The following DGKB variants were observed in gnomAD, a reference collection of about 807,000 sequenced individuals.
The protein encoded by DGKB is diacylglycerol kinase beta.
Under a neutral mutation model 114.3 loss-of-function variants are expected in DGKB, and 67 were observed. The observed-to-expected ratio is 0.59, with a 90% CI of 0.48 to 0.72. The LOEUF (loss-of-function observed/expected upper bound fraction) is 0.72. Ranked by LOEUF, DGKB falls within the 30% of genes least tolerant of loss-of-function variation. The pLI is 0.00. For synonymous variants in DGKB, 398 were observed against 323.1 expected, an observed-to-expected ratio of 1.23 and a Z score of -2.49; for missense variants, 907 against 975.2, an observed-to-expected ratio of 0.93 and a Z score of 0.93.
chr7:14,608,967 T>A (rs778108726), intron 16 of DGKB, among the ~76,000 whole-genome samples: 5 of 151,982 alleles, frequency 3.3e-5, no homozygotes, highest in Non-Finnish European at 5.9e-5. Flanking sequence ...AGAATCACTA[T>A]CGTTAAATGG....
chr7:14,876,478 G>T (rs138722158), intron 1 of DGKB, among the ~76,000 whole-genome samples: 201 of 152,160 alleles, frequency 1.3e-3, no homozygotes, highest in African/African-American at 4.7e-3. Context: ...CAACACTCGC[G>T]GGCTAAGCCT....
chr7:14,440,776 T>C (rs1829975197), intron 21 of DGKB, among the ~76,000 whole-genome samples: 1 of 152,192 alleles, frequency 6.6e-6, no homozygotes, highest in African/African-American at 2.4e-5. Context: ...AGCATGTCTT[T>C]AAATTTATGT....
At chr7:14,964,855 A>G (rs1787060609) in intron 1 of DGKB, among the ~76,000 whole-genome samples, 2 of 152,190 alleles carry the variant, frequency 1.3e-5, no homozygotes, top group African/African-American at 4.8e-5. Flanking sequence ...GGGTTATATT[A>G]GTTGCAAGTG....
chr7:14,168,579 T>C (rs952218192), intron 25 of DGKB, among the ~76,000 whole-genome samples: 1 of 152,232 alleles, frequency 6.6e-6, no homozygotes, highest in African/African-American at 2.4e-5. Flanking sequence ...AAATGACGTA[T>C]TACATATTGC....
chr7:14,924,862 T>C (rs1784675186), intron 1 of DGKB, among the ~76,000 whole-genome samples: 1 of 152,182 alleles, frequency 6.6e-6, no homozygotes, highest in African/African-American at 2.4e-5. Flanking sequence ...TACATTTATA[T>C]ATACTTACGG....
chr7:14,398,933 C>T lies in DGKB; in HGVS notation c.1836-53542G>A, dbSNP rs116763815. 3.4e-3 allele frequency among the ~76,000 whole-genome samples: 524 copies of T among 152,036 alleles called. 3 individuals are homozygous for T. Among genetic ancestry groups the T allele is most frequent in the African/African-American group, 0.012 (503 of 41,524 alleles). On this transcript the variant is annotated intron_variant, in intron 21 of 25. Transcript: ENST00000402815. The stretch of plus-strand genomic sequence containing the variant: ...GAAAGATCTAGGGGCTGCTCGAATG[C>T]AACCCCAACAAGTTATGTGCCTGTA...
intron 23 of DGKB, among the ~76,000 whole-genome samples, chr7:14,227,708 A>G (rs950932233): frequency 4.6e-5 from 7 of 152,076 alleles, no homozygotes; most frequent in African/African-American, 1.2e-4. Flanking sequence ...GAACAAGGGC[A>G]CATAATGGCA....
At chr7:14,929,572 T>A (rs184510342) in intron 1 of DGKB, among the ~76,000 whole-genome samples, 21 of 152,202 alleles carry the variant, frequency 1.4e-4, no homozygotes, top group African/African-American at 5.1e-4. Context: ...ATAAGATTAT[T>A]TGTTTCGTTG....
At chr7:14,792,460 A>T (rs1467104388) in intron 2 of DGKB, among the ~76,000 whole-genome samples, 1 of 152,134 alleles carries the variant, frequency 6.6e-6, no homozygotes, top group Non-Finnish European at 1.5e-5. Flanking sequence ...CAACTCAAGT[A>T]GGTGGACAGT....
chr7:14,968,685 T>A (rs1787301077), intron 1 of DGKB, among the ~76,000 whole-genome samples: 1 of 152,116 alleles, frequency 6.6e-6, no homozygotes, highest in Admixed American at 6.5e-5. Flanking sequence ...TACCCAAAAA[T>A]TCCCAGTGAC....
At chr7:14,193,132 C>G (rs1195173120) in intron 23 of DGKB, among the ~76,000 whole-genome samples, 1 of 151,292 alleles carries the variant, frequency 6.6e-6, no homozygotes. Flanking sequence ...ACCCATACGC[C>G]TGTTTGTGGC....
At chr7:14,651,484 T>C (rs1445648165) in intron 13 of DGKB, among the ~76,000 whole-genome samples, 10 of 146,178 alleles carry the variant, frequency 6.8e-5, no homozygotes, top group African/African-American at 1.2e-4. Flanking sequence ...AATTAGGTAT[T>C]GATGGGACGT....
At chr7:14,458,083 AC>A (rs1832553882) in intron 21 of DGKB, among the ~76,000 whole-genome samples, 1 of 152,178 alleles carries the variant, frequency 6.6e-6, no homozygotes, top group Non-Finnish European at 1.5e-5. Flanking sequence ...ATTAAAAAAA[AC>A]GATGCTCTAA....
At chr7:14,890,825 G>C (rs1781091869) in intron 1 of DGKB, among the ~76,000 whole-genome samples, 1 of 149,790 alleles carries the variant, frequency 6.7e-6, no homozygotes, top group Non-Finnish European at 1.5e-5. Context: ...TTTATATCCA[G>C]GTTCACAATC....
chr7:14,893,623 C>G (rs1278472974), intron 1 of DGKB, among the ~76,000 whole-genome samples: 2 of 151,216 alleles, frequency 1.3e-5, no homozygotes, highest in East Asian at 3.9e-4. Context: ...AATCATATAG[C>G]CAACTGTTCA....
At position 14,607,901 on chromosome 7, in the gene DGKB, A is replaced by G. The variant is rs570611480; in HGVS notation, c.1359-393T>C. Among the ~76,000 whole-genome samples, 5 of 152,110 alleles carry G rather than the reference A, an allele frequency of 3.3e-5. No individual in the cohort carries two copies. In the South Asian group the frequency reaches 1.0e-3, roughly 32 times the overall value. Reference sequence around the variant, plus strand: ...ATCTTCTCTCAGTAAATCCTTGTGAATAATTTGTCCTCTATAGATCTCTGA... The same window carrying G: ...ATCTTCTCTCAGTAAATCCTTGTGAGTAATTTGTCCTCTATAGATCTCTGA... On this transcript the variant is annotated intron_variant, in intron 16 of 25. Transcript: ENST00000402815.
intron 2 of DGKB, among the ~76,000 whole-genome samples, chr7:14,798,753 C>T (rs1353056601): frequency 6.6e-6 from 1 of 152,210 alleles, no homozygotes; most frequent in Non-Finnish European, 1.5e-5. Context: ...CATCTCACAG[C>T]AGGTCCAGTG....
chr7:14,747,779 G>GCACACACACA (rs11276008), intron 4 of DGKB, among the ~76,000 whole-genome samples: 1 of 148,502 alleles, frequency 6.7e-6, no homozygotes, highest in Non-Finnish European at 1.5e-5. Context: ...CCACGCGCAC[G>GCACACACACA]CACACACACA....
chr7:14,857,033 C>T (rs150477314), intron 1 of DGKB, among the ~76,000 whole-genome samples: 2 of 152,134 alleles, frequency 1.3e-5, no homozygotes, highest in Non-Finnish European at 2.9e-5. Context: ...TCATTCCCTA[C>T]ATTAGATGAC....
Sources: gnomAD v4.1 joint callset for allele counts (sites outside exome capture counted in the v4.1 genomes callset) on GRCh38, gnomAD v4.1.1 for gene constraint, MANE v1.5 for transcripts, NCBI Gene and HGNC (gene_info 2026-07-23, HGNC 2026-07-21) for gene names.